TTLL5: variants seen among roughly 807,000 people sequenced by gnomAD.
TTLL5 encodes tubulin polyglutamylase TTLL5.
TTLL5 carries 132 observed loss-of-function variants against 168.4 expected under a neutral mutation model. That is an observed-to-expected ratio of 0.78 (90% confidence interval 0.68 to 0.91). The LOEUF is 0.91. Among genes scored for constraint, TTLL5 ranks in the 40% least tolerant of loss-of-function variants. The pLI is 0.00. For missense variants in TTLL5, 1,545 were observed against 1,581.5 expected, an observed-to-expected ratio of 0.98 and a Z score of 0.39; for synonymous variants, 546 against 558.6, an observed-to-expected ratio of 0.98 and a Z score of 0.32.
chr14:75,681,882 G>A (rs1884643529), intron 4 of TTLL5, among the ~76,000 whole-genome samples: 1 of 152,010 alleles, frequency 6.6e-6, no homozygotes, highest in Admixed American at 6.6e-5. Context: ...GGGCACCGTT[G>A]CCCATAAGGA....
chr14:75,925,727 C>G (rs978105942), intron 31 of TTLL5, among the ~76,000 whole-genome samples: 12 of 152,070 alleles, frequency 7.9e-5, no homozygotes, highest in African/African-American at 2.9e-4. Context: ...TGTAGCAAGC[C>G]GAGATCACGC....
intron 31 of TTLL5, among the ~76,000 whole-genome samples, chr14:75,924,601 T>C (rs903245449): frequency 1.3e-5 from 2 of 151,800 alleles, no homozygotes; most frequent in Non-Finnish European, 2.9e-5. Context: ...GGGTTGGGGG[T>C]AAGGTCACCG....
At chr14:75,689,954 A>G (rs1256765130) in intron 5 of TTLL5, 1 of 409,156 alleles carries the variant, frequency 2.4e-6, no homozygotes, top group African/African-American at 2.1e-5. Flanking sequence ...AGAATTACAC[A>G]TTAAAAAGGG....
At chr14:75,924,496 T>C (rs1429488726) in intron 31 of TTLL5, among the ~76,000 whole-genome samples, 3 of 151,904 alleles carry the variant, frequency 2.0e-5, no homozygotes, top group Non-Finnish European at 1.5e-5. Context: ...TTAATGAGCA[T>C]GCTGCCTTCA....
intron 21 of TTLL5, among the ~76,000 whole-genome samples, chr14:75,772,653 A>G (rs1258617684): frequency 1.3e-5 from 2 of 150,778 alleles, no homozygotes; most frequent in Non-Finnish European, 2.9e-5. Context: ...GGAAGAAGCC[A>G]CAGCCCTTCC....
chr14:75,926,156 CTTTT>C (rs34048806), intron 31 of TTLL5, among the ~76,000 whole-genome samples: 2 of 29,950 alleles, frequency 6.7e-5, no homozygotes, highest in African/African-American at 1.9e-4. Flanking sequence ...GCAACCCCAG[CTTTT>C]TTTTTTTTTT....
intron 31 of TTLL5, among the ~76,000 whole-genome samples, chr14:75,921,608 T>A (rs180898572): frequency 1.2e-3 from 176 of 152,354 alleles, no homozygotes; most frequent in African/African-American, 4.1e-3. Flanking sequence ...ACCAGTACCA[T>A]GCTGTTTTGG....
intron 31 of TTLL5, among the ~76,000 whole-genome samples, chr14:75,931,665 A>G (rs1255462163): frequency 6.6e-6 from 1 of 152,100 alleles, no homozygotes; most frequent in Admixed American, 6.5e-5. Flanking sequence ...CAAACTCTGT[A>G]AGTGGATTGC....
intron 9 of TTLL5, among the ~76,000 whole-genome samples, chr14:75,708,400 C>T (rs557660019): frequency 6.6e-6 from 1 of 151,782 alleles, no homozygotes; most frequent in East Asian, 1.9e-4. Context: ...GATCTCGGCT[C>T]ACTGCAAGCT....
chr14:75,729,374 G>C (rs1195575816), intron 12 of TTLL5, among the ~76,000 whole-genome samples: 3 of 152,082 alleles, frequency 2.0e-5, no homozygotes, highest in African/African-American at 7.2e-5. Flanking sequence ...TGAGGAAGTT[G>C]ATTATGCTCA....
At chr14:75,850,280 C>T (rs921339069) in intron 28 of TTLL5, among the ~76,000 whole-genome samples, 1 of 151,740 alleles carries the variant, frequency 6.6e-6, no homozygotes, top group Admixed American at 6.6e-5. Context: ...GTGGCACATG[C>T]CTGTAATCCC....
Position 75,779,656 on chromosome 14 carries a change from A to G in TTLL5, c.2469A>G (p.Lys823=), listed in dbSNP as rs1891926827. ...SASVFLGTHS[K]ISKNNNNYSD... is the part of the protein sequence containing the mutation. ...GTGTCTTCCTGGGGACTCACTCTAA[A>G]ATTTCTAAGAACAACAACAATTATT... Residue 823 remains lysine, a synonymous_variant, in exon 24 of 32, where the codon AAA becomes AAG. Transcript: ENST00000298832. 2 of 1,613,716 alleles carry G rather than the reference A, an allele frequency of 1.2e-6. No individual in the cohort carries two copies. Among genetic ancestry groups the G allele is most frequent in the East Asian group, 4.5e-5 (2 of 44,856 alleles).
chr14:75,779,088 G>A (rs1453694851), intron 23 of TTLL5, among the ~76,000 whole-genome samples: 1 of 152,150 alleles, frequency 6.6e-6, no homozygotes, highest in Non-Finnish European at 1.5e-5. Flanking sequence ...GGTGGTTGTT[G>A]TCTTGTTATT....
At chr14:75,791,600 A>G (rs1295715095) in intron 26 of TTLL5, among the ~76,000 whole-genome samples, 1 of 152,164 alleles carries the variant, frequency 6.6e-6, no homozygotes, top group Non-Finnish European at 1.5e-5. Context: ...GGGAGGAACA[A>G]CCACATAGGT....
intron 27 of TTLL5, among the ~76,000 whole-genome samples, chr14:75,806,063 C>T (rs1349856999): frequency 6.7e-6 from 1 of 148,716 alleles, no homozygotes. Context: ...CAGTCTCACT[C>T]TGTTGCTCAG....
intron 31 of TTLL5, among the ~76,000 whole-genome samples, chr14:75,922,142 A>T (rs1259816161): frequency 1.4e-5 from 2 of 147,686 alleles, no homozygotes; most frequent in African/African-American, 2.5e-5. Flanking sequence ...GGCTGAGACG[A>T]TGGGGTTTTC....
At chr14:75,852,156 C>T (rs900242233) in intron 28 of TTLL5, among the ~76,000 whole-genome samples, 16 of 152,130 alleles carry the variant, frequency 1.1e-4, no homozygotes, top group African/African-American at 1.7e-4. Flanking sequence ...TGCAGGCTTG[C>T]GCTCGATCTC....
chr14:75,709,533 A>T (rs943630338), intron 9 of TTLL5: 4 of 268,490 alleles, frequency 1.5e-5, no homozygotes, highest in Admixed American at 1.0e-4. Context: ...GAAAGGGAAG[A>T]ACTGAAACAT....
At chr14:75,758,835 C>T (rs910091986) in intron 18 of TTLL5, among the ~76,000 whole-genome samples, 1 of 152,084 alleles carries the variant, frequency 6.6e-6, no homozygotes, top group Non-Finnish European at 1.5e-5. Context: ...ATACTTTGAA[C>T]TGAATGATAC....
Sources: allele counts gnomAD v4.1 joint callset (sites outside exome capture counted in the v4.1 genomes callset), GRCh38; gene constraint gnomAD v4.1.1; transcripts MANE v1.5; gene names NCBI Gene and HGNC (gene_info 2026-07-23, HGNC 2026-07-21).